ANKRD55: variants seen among roughly 807,000 people sequenced by gnomAD.
ANKRD55 encodes the protein ankyrin repeat domain-containing protein 55.
In ANKRD55, 41 loss-of-function variants were observed where a neutral mutation model predicts 60.6. The observed-to-expected ratio is 0.68, with a 90% CI of 0.53 to 0.88. The LOEUF is 0.88. Ranked by LOEUF, ANKRD55 falls within the 40% of genes least tolerant of loss-of-function variation. ANKRD55 has a pLI of 0.00. For synonymous variants in ANKRD55, 264 were observed against 290.3 expected, an observed-to-expected ratio of 0.91 and a Z score of 0.92; for missense variants, 732 against 767.6, an observed-to-expected ratio of 0.95 and a Z score of 0.55.
chr5:56,122,007 T>C lies in ANKRD55; in HGVS notation c.797+4915A>G, dbSNP rs1757079363. ...TAACCTGTCCCAGTGGGTTTTTAAG[T>C]GTGCCTAATGTACAGCAAATACTTC... On this transcript the variant is annotated intron_variant, in intron 8 of 11. Coordinates refer to ENST00000341048, the MANE Select transcript of ANKRD55 (RefSeq NM_024669.3). Among the ~76,000 whole-genome samples the C allele has an allele frequency of 1.3e-5, 2 of 152,212 alleles. 1 individual carries two copies. The highest frequency in any genetic ancestry group is 4.1e-4 in the South Asian group (2 of 4,830).
At chr5:56,150,845 G>C (rs1376457038) in intron 6 of ANKRD55, among the ~76,000 whole-genome samples, 1 of 152,046 alleles carries the variant, frequency 6.6e-6, no homozygotes, top group East Asian at 1.9e-4. Flanking sequence ...GTTGCAGCTA[G>C]CTGAGATCGC....
intron 2 of ANKRD55, among the ~76,000 whole-genome samples, chr5:56,227,813 G>A (rs931401962): frequency 5.9e-5 from 9 of 152,112 alleles, no homozygotes; most frequent in African/African-American, 2.2e-4. Flanking sequence ...AAGCTGATAT[G>A]AGGATTATAT....
At position 56,100,125 on chromosome 5, in the gene ANKRD55, G is replaced by A; in HGVS notation, c.*58C>T. 1 of 1,610,750 alleles carries A rather than the reference G, an allele frequency of 6.2e-7. No individual in the cohort carries two copies. The highest frequency in any genetic ancestry group is 8.5e-7 in the Non-Finnish European group (1 of 1,177,670). On this transcript the variant is annotated 3_prime_UTR_variant, in exon 12 of 12. Transcript: ENST00000341048. The stretch of plus-strand genomic sequence containing the variant: ...CGTTCTTACAAACTGGAGTAATCTT[G>A]TCCTTTGAGAGTTGAAAATACATAT...
At chr5:56,197,357 A>G (rs1307516297) in intron 2 of ANKRD55, among the ~76,000 whole-genome samples, 1 of 152,210 alleles carries the variant, frequency 6.6e-6, no homozygotes, top group Non-Finnish European at 1.5e-5. Flanking sequence ...TATTAAAAGC[A>G]TACATAAAAT....
chr5:56,229,275 C>G (rs1318336703), intron 2 of ANKRD55, among the ~76,000 whole-genome samples: 3 of 152,110 alleles, frequency 2.0e-5, no homozygotes, highest in Non-Finnish European at 4.4e-5. Flanking sequence ...CAGGTCGCTT[C>G]CTGCGTGTGT....
At chr5:56,161,189 G>A (rs909847537) in intron 5 of ANKRD55, among the ~76,000 whole-genome samples, 1 of 151,686 alleles carries the variant, frequency 6.6e-6, no homozygotes, top group African/African-American at 2.4e-5. Flanking sequence ...CTGTACTCAG[G>A]GTTTCTAACT....
At chr5:56,174,554 GC>G (rs1429971465) in intron 4 of ANKRD55, among the ~76,000 whole-genome samples, 12 of 152,174 alleles carry the variant, frequency 7.9e-5, no homozygotes, top group African/African-American at 2.9e-4. Flanking sequence ...CAGACCAGTG[GC>G]TTTTAAACTT....
chr5:56,120,883 G>C (rs1757027284), intron 8 of ANKRD55, among the ~76,000 whole-genome samples: 1 of 141,418 alleles, frequency 7.1e-6, no homozygotes, highest in South Asian at 2.3e-4. Context: ...CTGGGCGACA[G>C]AGGGAGACTC....
intron 6 of ANKRD55, among the ~76,000 whole-genome samples, chr5:56,151,611 G>A (rs1246828301): frequency 1.3e-5 from 2 of 151,920 alleles, no homozygotes; most frequent in Non-Finnish European, 2.9e-5. Context: ...ACAGGAGTTC[G>A]AGACCAGCCT....
In ANKRD55 at chr5:56,156,580, T is replaced by A. The variant is rs558168027; in HGVS notation, c.483+3253A>T. Among the ~76,000 whole-genome samples the A allele has an allele frequency of 2.0e-5, 3 of 152,278 alleles. No homozygotes were observed. The South Asian group carries it at 6.2e-4, about 32-fold the overall frequency. The stretch of plus-strand genomic sequence containing the variant: ...AGGGTATAAATGAGCAAATTTGTCA[T>A]CTTTCTAAATAAGACCTAGTTTAGG... On this transcript the variant is annotated intron_variant, in intron 6 of 11. Coordinates refer to ENST00000341048, the MANE Select transcript of ANKRD55 (RefSeq NM_024669.3).
intron 2 of ANKRD55, 96 bp downstream of exon 2, chr5:56,232,760 A>ACACACG: frequency 7.9e-7 from 1 of 1,271,030 alleles, no homozygotes; most frequent in South Asian, 1.2e-5. Flanking sequence ...ACACACACAC[A>ACACACG]CACACACACT....
chr5:56,110,983 A>G, intron 10 of ANKRD55, 135 bp downstream of exon 10: 1 of 1,014,748 alleles, frequency 9.9e-7, no homozygotes. Context: ...TTTGGGAGAA[A>G]AGGTGGCTCT....
chr5:56,223,378 G>A (rs1053847994), intron 2 of ANKRD55, among the ~76,000 whole-genome samples: 1 of 152,054 alleles, frequency 6.6e-6, no homozygotes, highest in Non-Finnish European at 1.5e-5. Context: ...AGGAACAACT[G>A]GTATCAGCCA....
chr5:56,114,644 T>G (rs1169483573), intron 9 of ANKRD55, among the ~76,000 whole-genome samples: 2 of 152,232 alleles, frequency 1.3e-5, no homozygotes, highest in Non-Finnish European at 2.9e-5. Context: ...AAATCACGCA[T>G]GTGTATAAGA....
chr5:56,187,748 C>G (rs545053414), intron 2 of ANKRD55, among the ~76,000 whole-genome samples: 2 of 152,224 alleles, frequency 1.3e-5, no homozygotes, highest in Non-Finnish European at 2.9e-5. Context: ...TCTAGGTTCT[C>G]TTCCGTGACC....
chr5:56,139,105 A>G (rs1243888872), intron 7 of ANKRD55, among the ~76,000 whole-genome samples: 1 of 152,074 alleles, frequency 6.6e-6, no homozygotes, highest in Non-Finnish European at 1.5e-5. Flanking sequence ...GAAGATATTA[A>G]TATGTGACAT....
intron 2 of ANKRD55, among the ~76,000 whole-genome samples, chr5:56,218,812 A>G (rs113938501): frequency 6.6e-6 from 1 of 151,936 alleles, no homozygotes; most frequent in South Asian, 2.1e-4. Context: ...ACACACAGAG[A>G]GAGAGAGAGA....
At chr5:56,150,562 C>G (rs1758015877) in intron 6 of ANKRD55, among the ~76,000 whole-genome samples, 1 of 151,996 alleles carries the variant, frequency 6.6e-6, no homozygotes, top group Non-Finnish European at 1.5e-5. Flanking sequence ...TGAGATTGCA[C>G]CACTGCACTC....
chr5:56,143,933 CA>C lies in ANKRD55; in HGVS notation c.484-5del. The C allele has an allele frequency of 6.2e-7, 1 of 1,613,812 alleles. No individual in the cohort carries two copies. The highest frequency in any genetic ancestry group is 8.5e-7 in the Non-Finnish European group (1 of 1,180,024). ...CCCAGTGGAGTGGTGTCATTCCCTG[CA>C]AAACAACAGTCAGAGAGGACAGAGA... On this transcript the variant is annotated splice_polypyrimidine_tract_variant and splice_region_variant and intron_variant, in intron 6 of 11. Transcript: ENST00000341048.
Sources: gnomAD v4.1 joint callset for allele counts (sites outside exome capture counted in the v4.1 genomes callset) on GRCh38, gnomAD v4.1.1 for gene constraint, MANE v1.5 for transcripts, NCBI Gene and HGNC (gene_info 2026-07-23, HGNC 2026-07-21) for gene names.